The following PTPRQ variants were observed in gnomAD, a reference collection of about 807,000 sequenced individuals.
PTPRQ encodes protein tyrosine phosphatase receptor type Q.
Under a neutral mutation model 246.0 loss-of-function variants are expected in PTPRQ, and 199 were observed. The observed-to-expected ratio is 0.81, with a 90% CI of 0.72 to 0.91. The LOEUF (loss-of-function observed/expected upper bound fraction) is 0.91. Among genes scored for constraint, PTPRQ ranks in the 40% least tolerant of loss-of-function variants. The pLI is 0.00. For missense variants in PTPRQ, 2,624 were observed against 2,528.4 expected (o/e 1.04, Z -0.81); for synonymous variants, 869 against 853.2 (o/e 1.02, Z -0.32).
intron 26 of PTPRQ, among the ~76,000 whole-genome samples, chr12:80,592,092 CG>C (rs1199399355): frequency 6.6e-6 from 1 of 152,134 alleles, no homozygotes; most frequent in Non-Finnish European, 1.5e-5. Context: ...TTCTTACCCC[CG>C]TTTAAGTTCT....
intron 25 of PTPRQ, among the ~76,000 whole-genome samples, chr12:80,587,423 A>G (rs1248607676): frequency 6.6e-6 from 1 of 152,168 alleles, no homozygotes; most frequent in Non-Finnish European, 1.5e-5. Context: ...TAACCATAAC[A>G]TGTGTATATT....
chr12:80,554,992 C>A (rs1274172507), intron 25 of PTPRQ, among the ~76,000 whole-genome samples: 3 of 152,132 alleles, frequency 2.0e-5, no homozygotes, highest in South Asian at 4.2e-4. Flanking sequence ...TGACTCACTG[C>A]AGCCTCCACC....
At position 80,610,471 on chromosome 12, in the gene PTPRQ, C is replaced by G. The variant is rs530998340; in HGVS notation, c.4764C>G (p.Ile1588Met). 6.7e-7 allele frequency: 1 copy of G among 1,503,412 alleles called. No homozygotes were observed. Among genetic ancestry groups the G allele is most frequent in the Non-Finnish European group, 9.0e-7 (1 of 1,115,012 alleles). 93.1% of individuals were successfully genotyped at this position (1,503,412 alleles called of 1,614,324 possible). A position where few individuals can be genotyped will look rare whatever the true frequency, so the allele number is the denominator to read the frequency against. Residue 1588 changes from isoleucine (I) to methionine (M), a missense_variant, in exon 28 of 45, where the codon ATC becomes ATG. Transcript: ENST00000644991. ...VDNDEFNISF[I>M]KSNEENKTIE... ...ATGATGAATTTAATATATCCTTCAT[C>G]AAGTCAAATGAAGAAAATAAAACCA...
In PTPRQ at chr12:80,541,685, T is replaced by C. The variant is rs1427446113; in HGVS notation, c.3285T>C (p.Thr1095=). 1.9e-6 allele frequency: 3 copies of C among 1,551,372 alleles called. No homozygotes were observed. The Admixed American group carries it at 5.9e-5, about 30-fold the overall frequency. ...FYYVSLILQQ[T]PRHVRPPLVT... is the part of the protein sequence containing the mutation. ...ATGTTTCACTGATCTTACAGCAGAC[T>C]CCTCGCCATGTGAGACCACCTCTTG... Residue 1095 remains threonine, a synonymous_variant, in exon 21 of 45, where the codon ACT becomes ACC. Coordinates refer to ENST00000644991, the MANE Select transcript of PTPRQ (RefSeq NM_001145026.2).
chr12:80,627,594 AATG>A (rs573376261), intron 33 of PTPRQ, among the ~76,000 whole-genome samples: 118 of 152,156 alleles, frequency 7.8e-4, no homozygotes, highest in Admixed American at 1.9e-3. Flanking sequence ...GAATTTAAAT[AATG>A]ATAACTTCAG....
chr12:80,457,598 C>T lies in PTPRQ; in HGVS notation c.414C>T (p.Gly138=), dbSNP rs1482352657. ...AGGTTGCTGCTGAAAACAGTGCTGG[C>T]ATTGGAGTGTTTAGTGATCCATTTC... ...EIKVAAENSA[G]IGVFSDPFLF... Residue 138 remains glycine, a synonymous_variant, in exon 4 of 45, where the codon GGC becomes GGT. Coordinates refer to ENST00000644991, the MANE Select transcript of PTPRQ (RefSeq NM_001145026.2). The T allele has an allele frequency of 2.0e-5, 8 of 400,122 alleles. No homozygotes were observed. The highest frequency in any genetic ancestry group is 2.2e-5 in the Non-Finnish European group (5 of 225,924). The allele number at this position is 400,122 out of a possible 1,614,324, so 24.8% of individuals were successfully genotyped here. A position where few individuals can be genotyped will look rare whatever the true frequency, so the allele number is the denominator to read the frequency against.
intron 24 of PTPRQ, 119 bp downstream of exon 24, chr12:80,546,816 A>T (rs182365796): frequency 8.1e-7 from 1 of 1,229,260 alleles, no homozygotes; most frequent in East Asian, 2.6e-5. Context: ...GGGAAATTGC[A>T]TTTCAGTGCT....
chr12:80,524,053 T>C (rs1895602321), intron 17 of PTPRQ, among the ~76,000 whole-genome samples: 1 of 152,238 alleles, frequency 6.6e-6, no homozygotes, highest in Non-Finnish European at 1.5e-5. Flanking sequence ...TGCTCCTGTA[T>C]TGAGTGCGTA....
chr12:80,461,862 T>TA (rs1467291827), intron 6 of PTPRQ: 1 of 151,282 alleles, frequency 6.6e-6, no homozygotes, highest in African/African-American at 2.4e-5. Flanking sequence ...TTTTATACAA[T>TA]AAAAAAATGA....
chr12:80,586,298 C>T (rs1328427197), intron 25 of PTPRQ, among the ~76,000 whole-genome samples: 1 of 151,354 alleles, frequency 6.6e-6, no homozygotes, highest in Non-Finnish European at 1.5e-5. Context: ...TGAAAAAATG[C>T]TCATCATCAC....
chr12:80,456,037 G>T (rs1459381928), intron 3 of PTPRQ, among the ~76,000 whole-genome samples: 1 of 152,080 alleles, frequency 6.6e-6, no homozygotes, highest in Admixed American at 6.6e-5. Flanking sequence ...ATTTCCAAGG[G>T]ATAATAAAGG....
At chr12:80,599,630 TTATTA>T (rs766685004) in intron 26 of PTPRQ, among the ~76,000 whole-genome samples, 12 of 150,604 alleles carry the variant, frequency 8.0e-5, no homozygotes, top group Non-Finnish European at 1.8e-4. Context: ...TGGATATATT[TTATTA>T]TATGTTTTGG....
intron 25 of PTPRQ, among the ~76,000 whole-genome samples, chr12:80,569,418 T>C (rs1324270696): frequency 3.4e-5 from 5 of 145,932 alleles, no homozygotes; most frequent in Admixed American, 1.4e-4. Context: ...AGGGATAGCA[T>C]TGGGAGATAT....
At chr12:80,543,003 T>G (rs1027869301) in intron 23 of PTPRQ, 122 bp downstream of exon 23, 2 of 702,368 alleles carry the variant, frequency 2.8e-6, no homozygotes, top group Admixed American at 7.9e-5. Context: ...TAAACTTCTT[T>G]ATTTCCTACA....
At chr12:80,544,575 C>T (rs1425777542) in intron 23 of PTPRQ, among the ~76,000 whole-genome samples, 3 of 152,018 alleles carry the variant, frequency 2.0e-5, no homozygotes, top group African/African-American at 4.8e-5. Context: ...CTCCTTTTTA[C>T]ATCTATTTTC....
At chr12:80,670,889 T>C (rs908738855) in intron 42 of PTPRQ, among the ~76,000 whole-genome samples, 1 of 152,114 alleles carries the variant, frequency 6.6e-6, no homozygotes, top group Admixed American at 6.6e-5. Flanking sequence ...ATATACTGTG[T>C]TGATATTTGC....
Position 80,542,298 on chromosome 12 carries a change from G to C in PTPRQ, c.3655G>C (p.Ala1219Pro). 6.5e-7 allele frequency: 1 copy of C among 1,549,502 alleles called. No individual in the cohort carries two copies. Among genetic ancestry groups the C allele is most frequent in the East Asian group, 2.4e-5 (1 of 40,848 alleles). The change falls in exon 22 of 45, where the codon GCT becomes CCT. Residue 1219 changes from alanine (A) to proline (P), a missense_variant. Physicochemically the swap from Ala to Pro is conservative, Grantham distance 27. Transcript: ENST00000644991. Reference protein sequence around the residue: ...LSPFTLYSFFAAARTRKGLGP... With the variant: ...LSPFTLYSFFPAARTRKGLGP... ...ACCATTTACATTATATAGCTTTTTT[G>C]CTGCCGCAAGAACTAGAAAAGGACT...
At chr12:80,487,734 C>T (rs1257001084) in intron 9 of PTPRQ, among the ~76,000 whole-genome samples, 1 of 152,080 alleles carries the variant, frequency 6.6e-6, no homozygotes, top group Non-Finnish European at 1.5e-5. Context: ...ATTCCTGTAT[C>T]CCCCACTTCA....
At chr12:80,607,850 T>C (rs1898385263) in intron 27 of PTPRQ, among the ~76,000 whole-genome samples, 1 of 150,846 alleles carries the variant, frequency 6.6e-6, no homozygotes, top group Admixed American at 6.6e-5. Flanking sequence ...TTTTACTCTT[T>C]GACTGAACAA....
Sources: gnomAD v4.1 joint callset for allele counts (sites outside exome capture counted in the v4.1 genomes callset) on GRCh38, gnomAD v4.1.1 for gene constraint, MANE v1.5 for transcripts, NCBI Gene and HGNC (gene_info 2026-07-23, HGNC 2026-07-21) for gene names.